ERLIN1: variants seen among roughly 807,000 people sequenced by gnomAD.
ERLIN1 encodes the protein erlin-1.
Under a neutral mutation model 46.9 loss-of-function variants are expected in ERLIN1, and 24 were observed. That is an observed-to-expected ratio of 0.51 (90% CI 0.37 to 0.72). The LOEUF (loss-of-function observed/expected upper bound fraction) is 0.72. ERLIN1 is among the 30% of genes least tolerant of loss of function. ERLIN1 has a pLI of 0.00. For missense variants in ERLIN1, 293 were observed against 417.9 expected, an observed-to-expected ratio of 0.70 and a Z score of 2.61; for synonymous variants, 158 against 143.2, an observed-to-expected ratio of 1.10 and a Z score of -0.74.
chr10:100,183,775 G>A lies in ERLIN1; in HGVS notation c.176C>T (p.Thr59Ile). 6.2e-7 allele frequency: 1 copy of A among 1,612,884 alleles called. No individual in the cohort carries two copies. Among genetic ancestry groups the A allele is most frequent in the Non-Finnish European group, 8.5e-7 (1 of 1,178,968 alleles). ...ACTCACCTGCACAGATCTGAACGTA[G>A]TAATGAAAGGCAACATGATATGATA... ...PGYHIMLPFITTFRSVQTTLQ... is the reference protein window; with the variant it reads ...PGYHIMLPFIITFRSVQTTLQ... The change falls in exon 2 of 11, where the codon ACT (threonine) becomes ATT (isoleucine). Residue 59 changes from threonine to isoleucine, a missense_variant. Around this residue, in one of 3 missense-constraint regions of ERLIN1, gnomAD observed 76 missense variants for 77.0 expected, o/e 0.99. Coordinates refer to ENST00000421367, the MANE Select transcript of ERLIN1 (RefSeq NM_006459.4).
chr10:100,180,249 T>C (rs1488348409), intron 2 of ERLIN1, among the ~76,000 whole-genome samples: 1 of 152,194 alleles, frequency 6.6e-6, no homozygotes, highest in Non-Finnish European at 1.5e-5. Flanking sequence ...CAGCACCTAA[T>C]GAGTACATTC....
intron 2 of ERLIN1, among the ~76,000 whole-genome samples, chr10:100,181,456 T>C (rs1192575448): frequency 9.9e-5 from 15 of 152,152 alleles, no homozygotes. Flanking sequence ...CTATGTCTTC[T>C]AATATGTTCC....
intron 7 of ERLIN1, among the ~76,000 whole-genome samples, chr10:100,164,298 C>A (rs562173566): frequency 6.6e-6 from 1 of 152,140 alleles, no homozygotes; most frequent in South Asian, 2.1e-4. Context: ...CCAAAGTCAC[C>A]CAGAGATAGG....
At position 100,184,444 on chromosome 10, in the gene ERLIN1, A is replaced by G. The variant is rs74907488; in HGVS notation, c.114-607T>C. ...CAAATCCTGGAATGTGAAAACTATG[A>G]AAGCAAGCCCTGGAAATTATAAAAA... On this transcript the variant is annotated intron_variant, in intron 1 of 10. Transcript: ENST00000421367. Among the ~76,000 whole-genome samples the G allele has an allele frequency of 7.4e-3, 1,120 of 152,348 alleles. 20 individuals carry two copies. The highest frequency in any genetic ancestry group is 0.025 in the African/African-American group (1,043 of 41,574).
chr10:100,169,746 ATAAAG>A (rs1027325572), intron 6 of ERLIN1, among the ~76,000 whole-genome samples: 4 of 152,224 alleles, frequency 2.6e-5, no homozygotes, highest in African/African-American at 9.6e-5. Flanking sequence ...GGCTGATATG[ATAAAG>A]TAAAGCCATA....
intron 4 of ERLIN1, among the ~76,000 whole-genome samples, chr10:100,177,137 T>A (rs1336460073): frequency 6.6e-6 from 1 of 151,864 alleles, no homozygotes; most frequent in Non-Finnish European, 1.5e-5. Flanking sequence ...AGAAAAAAAA[T>A]TAATGGACAG....
At chr10:100,152,609 A>C (rs910697063) in intron 10 of ERLIN1, among the ~76,000 whole-genome samples, 3 of 152,242 alleles carry the variant, frequency 2.0e-5, no homozygotes, top group African/African-American at 4.8e-5. Context: ...GGGAGTTGGA[A>C]AACAATTTGT....
At chr10:100,182,746 G>C (rs1245323021) in intron 2 of ERLIN1, among the ~76,000 whole-genome samples, 2 of 152,226 alleles carry the variant, frequency 1.3e-5, no homozygotes, top group Non-Finnish European at 2.9e-5. Flanking sequence ...TAGATCAGAA[G>C]AGGAAGAATC....
intron 10 of ERLIN1, among the ~76,000 whole-genome samples, chr10:100,154,134 C>A (rs1439438004): frequency 6.6e-6 from 1 of 152,130 alleles, no homozygotes; most frequent in Non-Finnish European, 1.5e-5. Context: ...TGGACATACC[C>A]TTCCCTTCTC....
intron 8 of ERLIN1, among the ~76,000 whole-genome samples, chr10:100,157,004 G>T: frequency 6.6e-6 from 1 of 152,092 alleles, no homozygotes; most frequent in Non-Finnish European, 1.5e-5. Flanking sequence ...GACAGAGTGA[G>T]GCCCTGCCTC....
intron 8 of ERLIN1, among the ~76,000 whole-genome samples, chr10:100,161,026 C>T (rs1843340668): frequency 1.3e-5 from 2 of 152,128 alleles, no homozygotes; most frequent in South Asian, 4.1e-4. Flanking sequence ...CTTTATTAAC[C>T]AGTGTTAAGT....
chr10:100,167,429 C>T (rs1256810813), intron 6 of ERLIN1, 23 bp from the exon 7 acceptor site: 2 of 1,591,544 alleles, frequency 1.3e-6, no homozygotes, highest in Non-Finnish European at 1.7e-6. Context: ...AGTGAAAAAG[C>T]CAAAGTATAT....
At chr10:100,173,867 C>T (rs1439832916) in intron 6 of ERLIN1, among the ~76,000 whole-genome samples, 1 of 152,176 alleles carries the variant, frequency 6.6e-6, no homozygotes, top group Non-Finnish European at 1.5e-5. Flanking sequence ...AAATTTTACA[C>T]TTGAACTCCC....
intron 1 of ERLIN1, among the ~76,000 whole-genome samples, 192 bp from the exon 2 acceptor site, chr10:100,184,029 C>T (rs1402339067): frequency 1.3e-5 from 2 of 152,156 alleles, no homozygotes; most frequent in African/African-American, 4.8e-5. Flanking sequence ...TCAAATTAAA[C>T]TGCCAATGTT....
intron 9 of ERLIN1, 45 bp downstream of exon 9, chr10:100,156,100 G>A (rs1248075304): frequency 8.2e-7 from 1 of 1,223,778 alleles, no homozygotes; most frequent in African/African-American, 1.5e-5. Flanking sequence ...GCAGAGAGGA[G>A]GCAGTTCGGG....
chr10:100,172,339 T>G (rs907442460), intron 6 of ERLIN1, among the ~76,000 whole-genome samples: 3 of 152,234 alleles, frequency 2.0e-5, no homozygotes, highest in Non-Finnish European at 4.4e-5. Context: ...GAGAAAGATA[T>G]AACAAATGAT....
intron 6 of ERLIN1, among the ~76,000 whole-genome samples, chr10:100,169,246 C>A (rs1398577653): frequency 1.6e-4 from 24 of 152,034 alleles, no homozygotes. Context: ...TGCTCTTAAC[C>A]TCAAATAATA....
intron 7 of ERLIN1, among the ~76,000 whole-genome samples, chr10:100,165,028 G>A (rs1843555177): frequency 2.0e-5 from 3 of 152,086 alleles, no homozygotes; most frequent in South Asian, 4.1e-4. Flanking sequence ...CAAGCATTTC[G>A]GATAAGGGGT....
At chr10:100,165,577 G>C (rs555531707) in intron 7 of ERLIN1, among the ~76,000 whole-genome samples, 17 of 151,822 alleles carry the variant, frequency 1.1e-4, no homozygotes, top group African/African-American at 4.1e-4. Context: ...TAGTAGAGAC[G>C]GGGTTTCATT....
Sources: allele counts gnomAD v4.1 joint callset (sites outside exome capture counted in the v4.1 genomes callset), GRCh38; gene constraint gnomAD v4.1.1; regional missense constraint gnomAD v4.1.1; transcripts MANE v1.5; gene names NCBI Gene and HGNC (gene_info 2026-07-23, HGNC 2026-07-21).